STOX2: variants seen among roughly 807,000 people sequenced by gnomAD.
The protein encoded by STOX2 is storkhead box 2, also known as storkhead-box protein 2.
Under a neutral mutation model 60.9 loss-of-function variants are expected in STOX2, and 28 were observed. That is an observed-to-expected ratio of 0.46 (90% CI 0.34 to 0.63). STOX2 has a LOEUF of 0.63. STOX2 is among the 30% of genes least tolerant of loss of function. The pLI, the probability that STOX2 is intolerant of heterozygous loss-of-function variation, is 0.01. For synonymous variants in STOX2, 472 were observed against 463.9 expected, an observed-to-expected ratio of 1.02 and a Z score of -0.22; for missense variants, 1,024 against 1,187.7, an observed-to-expected ratio of 0.86 and a Z score of 2.03.
In STOX2 at chr4:183,856,457, G is replaced by A. The variant is rs566096302; in HGVS notation, c.364+58402G>A. Reference sequence around the variant, plus strand: ...GTGATTCAACTTACTTGCTAACCTCGTATTTGACAGGTGAGGGTATTAATT... The same window carrying A: ...GTGATTCAACTTACTTGCTAACCTCATATTTGACAGGTGAGGGTATTAATT... On this transcript the variant is annotated intron_variant, in intron 1 of 2. Coordinates refer to the STOX2 transcript ENST00000513034. This position sits in a 1 kb window ranked among gnomAD's most constrained non-coding sequence, Gnocchi z 4.0. 4.6e-5 allele frequency among the ~76,000 whole-genome samples: 7 copies of A among 152,270 alleles called. No homozygotes were observed. Among genetic ancestry groups the A allele is most frequent in the Admixed American group, 2.0e-4 (3 of 15,296 alleles).
Position 184,010,983 on chromosome 4 carries a change from C to G in STOX2, c.2145C>G (p.Ser715Arg). The change falls in exon 3 of 4, where the codon AGC (serine) becomes AGG (arginine). Residue 715 changes from serine to arginine, a missense_variant. Transcript: ENST00000308497. This position sits in a 1 kb window ranked among gnomAD's most constrained non-coding sequence, Gnocchi z 4.5. ...TTCACAGCACCTTGTCTGTAAACAG[C>G]TATCACAAGTCGAGCCTGTCCCTCC... ...KPLHSTLSVN[S>R]YHKSSLSLLK... The G allele has an allele frequency of 6.2e-7, 1 of 1,613,382 alleles. No individual in the cohort carries two copies.
intron 1 of STOX2, among the ~76,000 whole-genome samples, chr4:183,847,817 G>A (rs1740021421): frequency 1.3e-5 from 2 of 152,090 alleles, no homozygotes; most frequent in South Asian, 4.1e-4. Context: ...TTCTGTACAG[G>A]AACAGGCCCT....
intron 1 of STOX2, among the ~76,000 whole-genome samples, chr4:183,925,532 G>A (rs911204757): frequency 7.9e-5 from 12 of 152,136 alleles, no homozygotes; most frequent in Admixed American, 5.2e-4. Flanking sequence ...TCCAGTTGGA[G>A]TCTATTATCA....
chr4:183,998,827 C>T (rs114307713), intron 1 of STOX2, among the ~76,000 whole-genome samples: 18,682 of 151,942 alleles, frequency 0.12, 1,440 homozygotes, highest in East Asian at 0.23. Flanking sequence ...TAGGTGTGAG[C>T]CACCATGCCC....
At position 183,943,998 on chromosome 4, in the gene STOX2, G is replaced by C. The variant is rs572347779; in HGVS notation, c.166+37042G>C. Among the ~76,000 whole-genome samples, 6 of 152,336 alleles carry C rather than the reference G, an allele frequency of 3.9e-5. No homozygotes were observed. In the South Asian group the frequency reaches 1.2e-3, roughly 32 times the overall value. ...TGGATTCAAAGATGTCTCAAAGTCA[G>C]TCCTGCTCTGGAGAAACCCATGGCT... is the stretch of plus-strand genomic sequence containing the variant. On this transcript the variant is annotated intron_variant, in intron 1 of 3. Transcript: ENST00000308497.
At position 184,009,854 on chromosome 4, in the gene STOX2, A is replaced by G. The variant is rs767071467; in HGVS notation, c.1016A>G (p.Glu339Gly). ...RHTALMKKLE[E>G]EKAQRSKAGS... ...ACCGCGCTCATGAAGAAACTGGAAG[A>G]AGAAAAGGCCCAGAGGAGTAAAGCC... The change falls in exon 3 of 4, where the codon GAA (glutamate) becomes GGA (glycine). Residue 339 changes from glutamate to glycine, a missense_variant. Glu to Gly is a moderately conservative substitution (Grantham distance 98, BLOSUM62 -2). This residue lies in a region of STOX2 where 922 missense variants were observed against 1,058.3 expected (regional missense o/e 0.87). Coordinates refer to ENST00000308497, the MANE Select transcript of STOX2 (RefSeq NM_020225.3). This position sits in a 1 kb window ranked among gnomAD's most constrained non-coding sequence, Gnocchi z 4.0. 6.2e-7 allele frequency: 1 copy of G among 1,611,900 alleles called. No homozygotes were observed. The highest frequency in any genetic ancestry group is 2.2e-5 in the East Asian group (1 of 44,828).
chr4:183,932,481 A>G lies in STOX2; in HGVS notation c.166+25525A>G, dbSNP rs574014089. On this transcript the variant is annotated intron_variant, in intron 1 of 3. Transcript: ENST00000308497. ...ACATACAGTATATGTATGTATACAT[A>G]CAGTATATGTATGTATCAGTATACA... 3.9e-4 allele frequency among the ~76,000 whole-genome samples: 54 copies of G among 137,808 alleles called. 11 individuals are homozygous for G. Among genetic ancestry groups the G allele is most frequent in the African/African-American group, 1.4e-3 (44 of 32,588 alleles). 90.4% of individuals were successfully genotyped at this position (137,808 alleles called of 152,430 possible).
chr4:183,839,538 TAGTACTACAGGAAA>T (rs1480119558), intron 1 of STOX2, among the ~76,000 whole-genome samples: 2 of 152,184 alleles, frequency 1.3e-5, no homozygotes, highest in Non-Finnish European at 2.9e-5. Context: ...CAACCAGCAT[TAGTACTACAGGAAA>T]CCTGAGGGGA....
chr4:183,868,685 C>T (rs1476123054), intron 1 of STOX2, among the ~76,000 whole-genome samples: 1 of 152,182 alleles, frequency 6.6e-6, no homozygotes, highest in African/African-American at 2.4e-5. Context: ...CAGTTTTTCT[C>T]CTGAGTGCAA....
chr4:183,850,996 G>C (rs1423677424), intron 1 of STOX2, among the ~76,000 whole-genome samples: 1 of 147,532 alleles, frequency 6.8e-6, no homozygotes, highest in Non-Finnish European at 1.5e-5. Flanking sequence ...GAAAGGATGA[G>C]GGAAAGGATG....
intron 1 of STOX2, among the ~76,000 whole-genome samples, chr4:183,869,535 A>G (rs189721491): frequency 1.3e-5 from 2 of 152,320 alleles, no homozygotes; most frequent in Admixed American, 6.5e-5. Context: ...TGAAAATAGA[A>G]AATGTTTTCA....
chr4:183,989,188 T>G (rs74924578), intron 1 of STOX2, among the ~76,000 whole-genome samples: 22,891 of 88,168 alleles, frequency 0.26, 2,046 homozygotes, highest in East Asian at 0.42. Context: ...TTTTTTTTTT[T>G]TTTTTGTTTG....
intron 1 of STOX2, among the ~76,000 whole-genome samples, chr4:183,873,134 G>C (rs1740732869): frequency 6.6e-6 from 1 of 152,062 alleles, no homozygotes; most frequent in African/African-American, 2.4e-5. Flanking sequence ...AAGCATTTTT[G>C]TGTTGGGCAC....
chr4:183,995,613 C>T (rs1179878497), intron 1 of STOX2, among the ~76,000 whole-genome samples: 1 of 152,122 alleles, frequency 6.6e-6, no homozygotes, highest in Non-Finnish European at 1.5e-5. Context: ...GCCTGTTGTC[C>T]GTTGTGCGAG....
At chr4:183,907,742 T>C (rs1741660755) in intron 1 of STOX2, among the ~76,000 whole-genome samples, 1 of 152,188 alleles carries the variant, frequency 6.6e-6, no homozygotes, top group Non-Finnish European at 1.5e-5. Flanking sequence ...TTTGGTTTGA[T>C]TTGGGAACCC....
intron 1 of STOX2, among the ~76,000 whole-genome samples, chr4:183,840,069 T>C (rs993029239): frequency 5.9e-5 from 9 of 151,996 alleles, no homozygotes; most frequent in African/African-American, 2.2e-4. Context: ...TGTGTGTGTG[T>C]TGGTTGTGGG....
chr4:183,817,431 A>G (rs1342585079), intron 1 of STOX2, among the ~76,000 whole-genome samples: 3 of 152,212 alleles, frequency 2.0e-5, no homozygotes. Context: ...GCTGAAAGAC[A>G]TAGTAGCCCT....
At chr4:183,894,035 C>T (rs3932843) in intron 1 of STOX2, among the ~76,000 whole-genome samples, 37,503 of 152,174 alleles carry the variant, frequency 0.25, 5,068 homozygotes, top group Middle Eastern at 0.37. Context: ...ACCTGTATTC[C>T]CAGCTACTTA....
chr4:183,850,242 G>A (rs944972189), intron 1 of STOX2, among the ~76,000 whole-genome samples: 4 of 151,450 alleles, frequency 2.6e-5, no homozygotes, highest in Admixed American at 6.6e-5. Context: ...CAAAGTGTTG[G>A]GATTACAGGC....
Sources: gnomAD v4.1 joint callset for allele counts (sites outside exome capture counted in the v4.1 genomes callset) on GRCh38, gnomAD v4.1.1 for gene constraint, gnomAD v4.1.1 regional missense constraint, Gnocchi (gnomAD v3.1) non-coding constraint, MANE v1.5 for transcripts, NCBI Gene and HGNC (gene_info 2026-07-23, HGNC 2026-07-21) for gene names.